Variants in GARNL3 observed in about 807,000 individuals in gnomAD.
GARNL3 encodes the protein GTPase activating Rap/RanGAP domain like 3.
GARNL3 carries 63 observed loss-of-function variants against 125.0 expected under a neutral mutation model. The observed-to-expected ratio is 0.50, with a 90% CI of 0.41 to 0.62. The LOEUF (loss-of-function observed/expected upper bound fraction) is 0.62, where lower values mean the gene tolerates loss of function less well. Ranked by LOEUF, GARNL3 falls within the 20% of genes least tolerant of loss-of-function variation. GARNL3 has a pLI of 0.00. For synonymous variants in GARNL3, 439 were observed against 457.5 expected (o/e 0.96, Z 0.52); for missense variants, 994 against 1,244.0 (o/e 0.80, Z 3.02).
At chr9:127,258,638 CAAAAG>C (rs1488318237) in intron 2 of GARNL3, among the ~76,000 whole-genome samples, 2 of 151,828 alleles carry the variant, frequency 1.3e-5, no homozygotes, top group Non-Finnish European at 2.9e-5. Context: ...GACCCTGTCT[CAAAAG>C]AAAAAAAGAA....
chr9:127,269,095 C>G (rs2063762578), intron 1 of GARNL3, among the ~76,000 whole-genome samples: 1 of 152,108 alleles, frequency 6.6e-6, no homozygotes, highest in South Asian at 2.1e-4. Flanking sequence ...ACCTCCTGGG[C>G]TCAAGTAATC....
chr9:127,320,513 T>G (rs1002104525), intron 5 of GARNL3, among the ~76,000 whole-genome samples: 6 of 152,236 alleles, frequency 3.9e-5, no homozygotes, highest in African/African-American at 1.2e-4. Flanking sequence ...TCTCTCCCTC[T>G]CTTATGAGTA....
Position 127,338,382 on chromosome 9 carries a change from T to G in GARNL3, c.1028+221T>G, listed in dbSNP as rs199538543. Among the ~76,000 whole-genome samples the G allele has an allele frequency of 8.5e-5, 13 of 152,346 alleles. No homozygotes were observed. The East Asian group carries it at 2.3e-3, about 27-fold the overall frequency. On this transcript the variant is annotated intron_variant, in intron 12 of 27. Coordinates refer to ENST00000373387, the MANE Select transcript of GARNL3 (RefSeq NM_032293.5). The stretch of plus-strand genomic sequence containing the variant: ...CCTAGGGGTCAGGGTTAGTTTGATA[T>G]TTTATTGTACTTTACCATGGGAACA...
intron 22 of GARNL3, among the ~76,000 whole-genome samples, chr9:127,378,926 C>G (rs1832092269): frequency 6.6e-6 from 1 of 152,194 alleles, no homozygotes; most frequent in African/African-American, 2.4e-5. Context: ...CAGGTCCCCA[C>G]CACTAGGTCC....
Position 127,389,124 on chromosome 9 carries a change from T to A in GARNL3, c.2743+5T>A. On this transcript the variant is annotated splice_donor_5th_base_variant and intron_variant, in intron 26 of 27. Coordinates refer to ENST00000373387, the MANE Select transcript of GARNL3 (RefSeq NM_032293.5). ...GGACCCGCAGGGAACTACTGGGTAA[T>A]GGTTCTCAATCCTGGTTTCCACTGT... 1 of 1,603,412 alleles carries A rather than the reference T, an allele frequency of 6.2e-7. No homozygotes were observed. The highest frequency in any genetic ancestry group is 8.5e-7 in the Non-Finnish European group (1 of 1,170,360).
At chr9:127,379,608 T>A (rs1415928697) in intron 22 of GARNL3, among the ~76,000 whole-genome samples, 1 of 152,164 alleles carries the variant, frequency 6.6e-6, no homozygotes, top group South Asian at 2.1e-4. Flanking sequence ...CTGTGAATAA[T>A]GAGTTCTTGA....
intron 12 of GARNL3, 41 bp downstream of exon 12, chr9:127,338,202 A>G (rs373743013): frequency 5.6e-5 from 79 of 1,419,280 alleles, no homozygotes; most frequent in Non-Finnish European, 7.6e-5. Context: ...CCTAATTCTC[A>G]TGCTTGTTAA....
chr9:127,377,010 C>T (rs1831953978), intron 22 of GARNL3, among the ~76,000 whole-genome samples: 1 of 152,304 alleles, frequency 6.6e-6, no homozygotes, highest in Non-Finnish European at 1.5e-5. Flanking sequence ...TGATTCCAGT[C>T]AGAATCCCAA....
chr9:127,304,223 A>G (rs988822535), intron 2 of GARNL3, among the ~76,000 whole-genome samples: 2 of 152,256 alleles, frequency 1.3e-5, no homozygotes, highest in African/African-American at 4.8e-5. Context: ...TTTGTAAAAT[A>G]GGTGACACTT....
At chr9:127,380,164 G>C (rs1260915350) in intron 22 of GARNL3, among the ~76,000 whole-genome samples, 1 of 151,882 alleles carries the variant, frequency 6.6e-6, no homozygotes, top group East Asian at 1.9e-4. Context: ...CCGCACTCCA[G>C]CCTGGGTGAT....
rs11336441 is a variant in GARNL3, at chr9:127,388,315, CAA to C, written c.2528-572_2528-571del. On this transcript the variant is annotated intron_variant, in intron 25 of 27. Transcript: ENST00000373387. ...TGAGCGACAGAACAAGACCTTGTCTCAAAAAAAAAAAAAAAAAAGTTTCAGTG... is the reference window on the plus strand; with the variant it reads ...TGAGCGACAGAACAAGACCTTGTCTCAAAAAAAAAAAAAAAAGTTTCAGTG... The C allele has an allele frequency of 5.9e-3, 738 of 124,946 alleles. 3 individuals carry two copies. The East Asian group carries it at 0.062, about 10-fold the overall frequency. 7.7% of individuals were successfully genotyped at this position (124,946 alleles called of 1,614,324 possible).
intron 2 of GARNL3, among the ~76,000 whole-genome samples, chr9:127,311,172 A>G (rs887382711): frequency 6.6e-6 from 1 of 152,126 alleles, no homozygotes; most frequent in Non-Finnish European, 1.5e-5. Context: ...AAAGCAAGCC[A>G]CAAAACTGTA....
At chr9:127,337,791 G>A (rs990806661) in intron 11 of GARNL3, among the ~76,000 whole-genome samples, 7 of 152,174 alleles carry the variant, frequency 4.6e-5, no homozygotes, top group Non-Finnish European at 7.3e-5. Flanking sequence ...GTACTTCCAG[G>A]CAAGGGAACT....
At chr9:127,301,669 G>T (rs1282293189) in intron 2 of GARNL3, among the ~76,000 whole-genome samples, 1 of 152,070 alleles carries the variant, frequency 6.6e-6, no homozygotes, top group Non-Finnish European at 1.5e-5. Flanking sequence ...TAATTGTCAA[G>T]ACTTTTTGGT....
At chr9:127,263,610 G>C, upstream of GARNL3, 6 of 846,418 alleles carry the variant, frequency 7.1e-6, no homozygotes, top group Non-Finnish European at 8.6e-6. Context: ...AATAGACCAT[G>C]GAGGGAAGGT....
At chr9:127,293,045 C>T (rs1425248041) in intron 2 of GARNL3, among the ~76,000 whole-genome samples, 1 of 152,116 alleles carries the variant, frequency 6.6e-6, no homozygotes, top group African/African-American at 2.4e-5. Flanking sequence ...GTTTTATTTC[C>T]ACCGAAACTA....
At chr9:127,243,346 G>A in intron 2 of GARNL3, 1 of 963,468 alleles carries the variant, frequency 1.0e-6, no homozygotes, top group Non-Finnish European at 1.5e-6. Flanking sequence ...TTTACTTCTG[G>A]GGGGATAGTG....
At chr9:127,309,247 C>T (rs1372588831) in intron 2 of GARNL3, among the ~76,000 whole-genome samples, 1 of 152,168 alleles carries the variant, frequency 6.6e-6, no homozygotes, top group Non-Finnish European at 1.5e-5. Flanking sequence ...GTTCCAGCTC[C>T]ACTACTTATT....
intron 1 of GARNL3, among the ~76,000 whole-genome samples, chr9:127,281,007 ACT>A (rs2064087863): frequency 6.6e-6 from 1 of 152,018 alleles, no homozygotes; most frequent in Non-Finnish European, 1.5e-5. Context: ...TCAGATGGAA[ACT>A]CTTCTTTGAA....
Sources: gnomAD v4.1 joint callset for allele counts (sites outside exome capture counted in the v4.1 genomes callset) on GRCh38, gnomAD v4.1.1 for gene constraint, MANE v1.5 for transcripts, NCBI Gene and HGNC (gene_info 2026-07-23, HGNC 2026-07-21) for gene names.